Variants in MPZL1 observed in about 807,000 individuals in gnomAD.
MPZL1 encodes the protein myelin protein zero like 1, also known as myelin protein zero-like protein 1.
MPZL1 carries 16 observed loss-of-function variants against 29.3 expected under a neutral mutation model. That is an observed-to-expected ratio of 0.55 (90% CI 0.37 to 0.83). The LOEUF (loss-of-function observed/expected upper bound fraction) is 0.83, where lower values mean the gene tolerates loss of function less well. MPZL1 is among the 40% of genes least tolerant of loss of function. MPZL1 has a pLI of 0.00. For synonymous variants in MPZL1, 143 were observed against 132.0 expected, an observed-to-expected ratio of 1.08 and a Z score of -0.57; for missense variants, 279 against 332.9, an observed-to-expected ratio of 0.84 and a Z score of 1.26.
In MPZL1 at chr1:167,773,340, A is replaced by C. The variant is rs373029251; in HGVS notation, c.577A>C (p.Arg193=). Residue 193 remains arginine (R), a synonymous_variant, in exon 4 of 6, where the codon AGG becomes CGG. Transcript: ENST00000359523. ...CATGATTCTGGCTGTCCTCTATAGA[A>C]GGAAAAACTCTAAACGGGATTACAC... ...ISMILAVLYR[R]KNSKRDYTGC... is the part of the protein sequence containing the mutation. The C allele has an allele frequency of 2.0e-5, 32 of 1,613,994 alleles. No individual in the cohort carries two copies. The African/African-American group carries it at 3.9e-4, about 20-fold the overall frequency.
In MPZL1 at chr1:167,728,034, A is replaced by ATT. The variant is rs35770520; in HGVS notation, c.91+5811_91+5812dup. Among the ~76,000 whole-genome samples the ATT allele has an allele frequency of 4.2e-3, 432 of 104,064 alleles. 5 individuals carry two copies. The highest frequency in any genetic ancestry group is 0.014 in the Middle Eastern group (3 of 212). The allele number at this position is 104,064 out of a possible 152,430, so 68.3% of individuals were successfully genotyped here. ...AGGCATAAGCCACCACGCCCAACTA[A>ATT]TTTTTTTTTTTTTTTTTTTTCTGAG... On this transcript the variant is annotated intron_variant, in intron 1 of 5. Coordinates refer to ENST00000359523, the MANE Select transcript of MPZL1 (RefSeq NM_003953.6).
chr1:167,747,070 C>T (rs1660661094), intron 1 of MPZL1, among the ~76,000 whole-genome samples: 1 of 152,122 alleles, frequency 6.6e-6, no homozygotes, highest in African/African-American at 2.4e-5. Flanking sequence ...CGGAATTATA[C>T]AATAGAGGAA....
At chr1:167,737,201 G>A (rs1660395191) in intron 1 of MPZL1, among the ~76,000 whole-genome samples, 1 of 152,166 alleles carries the variant, frequency 6.6e-6, no homozygotes, top group African/African-American at 2.4e-5. Context: ...TTAACATAAT[G>A]CCTGGAACAT....
intron 1 of MPZL1, among the ~76,000 whole-genome samples, chr1:167,763,511 A>C (rs977072371): frequency 6.6e-6 from 1 of 151,784 alleles, no homozygotes; most frequent in African/African-American, 2.4e-5. Flanking sequence ...AAAAAAAAAA[A>C]AAAGAAAGAA....
At chr1:167,760,463 A>G (rs568287168) in intron 1 of MPZL1, among the ~76,000 whole-genome samples, 4 of 152,228 alleles carry the variant, frequency 2.6e-5, no homozygotes, top group Admixed American at 2.6e-4. Flanking sequence ...TTGGCCTCCC[A>G]AAGTGCTGGG....
chr1:167,734,707 A>G (rs761098972), intron 1 of MPZL1, among the ~76,000 whole-genome samples: 4 of 152,204 alleles, frequency 2.6e-5, no homozygotes, highest in Non-Finnish European at 5.9e-5. Flanking sequence ...CGTTGGGGGT[A>G]GGTCCTGAGG....
intron 1 of MPZL1, among the ~76,000 whole-genome samples, chr1:167,760,053 G>A (rs962096979): frequency 4.6e-5 from 7 of 152,158 alleles, no homozygotes; most frequent in African/African-American, 1.4e-4. Context: ...TGGACTAGTT[G>A]CTGTGAAGTG....
intron 1 of MPZL1, among the ~76,000 whole-genome samples, chr1:167,731,778 T>C (rs1571133975): frequency 6.8e-6 from 1 of 147,226 alleles, no homozygotes; most frequent in Non-Finnish European, 1.5e-5. Context: ...GATCAGAAAA[T>C]GCTAAGGAGG....
At chr1:167,745,202 T>C (rs1191762871) in intron 1 of MPZL1, among the ~76,000 whole-genome samples, 1 of 152,150 alleles carries the variant, frequency 6.6e-6, no homozygotes, top group South Asian at 2.1e-4. Context: ...GATGGCTCAC[T>C]TGGGCTTTCT....
In MPZL1 at chr1:167,739,294, TATATATATATATATACAC is replaced by T. The variant is rs1394790692; in HGVS notation, c.91+17063_91+17080del. On this transcript the variant is annotated intron_variant, in intron 1 of 5. Transcript: ENST00000359523. The stretch of plus-strand genomic sequence containing the variant: ...ATATACATATATACATATATATATA[TATATATATATATATACAC>T]ATATATATATTTATGTTTATTCTTT... Among the ~76,000 whole-genome samples the T allele has an allele frequency of 4.4e-4, 50 of 112,540 alleles. 1 individual carries two copies. Among genetic ancestry groups the T allele is most frequent in the Middle Eastern group, 3.9e-3 (1 of 256 alleles). 73.8% of individuals were successfully genotyped at this position (112,540 alleles called of 152,430 possible). A position where few individuals can be genotyped will look rare whatever the true frequency, so the allele number is the denominator to read the frequency against.
intron 1 of MPZL1, among the ~76,000 whole-genome samples, chr1:167,763,376 C>T (rs1437547518): frequency 6.6e-6 from 1 of 151,732 alleles, no homozygotes; most frequent in African/African-American, 2.4e-5. Flanking sequence ...ATTAGCTGGG[C>T]GTCGTGGTGG....
At chr1:167,759,673 C>T (rs1571155416) in intron 1 of MPZL1, among the ~76,000 whole-genome samples, 2 of 149,990 alleles carry the variant, frequency 1.3e-5, no homozygotes, top group African/African-American at 4.9e-5. Context: ...TGAAATTTCT[C>T]GCTGCAATCA....
At chr1:167,767,792 CTTT>C (rs58079089) in intron 2 of MPZL1, among the ~76,000 whole-genome samples, 6 of 58,104 alleles carry the variant, frequency 1.0e-4, no homozygotes, top group African/African-American at 2.1e-4. Flanking sequence ...CCCTTTTCTG[CTTT>C]TTTTTTTTTT....
chr1:167,777,209 A>C (rs1355795073), intron 5 of MPZL1, among the ~76,000 whole-genome samples: 2 of 152,232 alleles, frequency 1.3e-5, no homozygotes, highest in African/African-American at 2.4e-5. Flanking sequence ...TGAAGACATG[A>C]AAGTTACATA....
At chr1:167,734,784 A>G (rs1200609504) in intron 1 of MPZL1, among the ~76,000 whole-genome samples, 1 of 152,176 alleles carries the variant, frequency 6.6e-6, no homozygotes, top group Non-Finnish European at 1.5e-5. Flanking sequence ...CAGGCACAGC[A>G]GGTTTAATTG....
rs114771083 is a variant in MPZL1, at chr1:167,745,463, C to G, written c.92-20120C>G. Among the ~76,000 whole-genome samples, 504 of 152,054 alleles carry G rather than the reference C, an allele frequency of 3.3e-3. 4 individuals are homozygous for G. The highest frequency in any genetic ancestry group is 0.012 in the African/African-American group (491 of 41,500). Reference sequence around the variant, plus strand: ...ATATCCTGTGTGTCTTTTAAAAACACGGAAAATACTTAACATCTCTATTTT... The same window carrying G: ...ATATCCTGTGTGTCTTTTAAAAACAGGGAAAATACTTAACATCTCTATTTT... On this transcript the variant is annotated intron_variant, in intron 1 of 5. Coordinates refer to ENST00000359523, the MANE Select transcript of MPZL1 (RefSeq NM_003953.6).
intron 1 of MPZL1, among the ~76,000 whole-genome samples, chr1:167,749,669 G>C (rs4145461): frequency 6.6e-6 from 1 of 151,962 alleles, no homozygotes; most frequent in African/African-American, 2.4e-5. Context: ...CACAAAAAAA[G>C]AACTTCAGAA....
At chr1:167,732,122 G>A (rs1660284689) in intron 1 of MPZL1, among the ~76,000 whole-genome samples, 1 of 152,142 alleles carries the variant, frequency 6.6e-6, no homozygotes, top group African/African-American at 2.4e-5. Flanking sequence ...ATAATATATA[G>A]TATAGGTATT....
At chr1:167,732,625 G>T (rs1660294628) in intron 1 of MPZL1, among the ~76,000 whole-genome samples, 1 of 152,018 alleles carries the variant, frequency 6.6e-6, no homozygotes, top group Non-Finnish European at 1.5e-5. Context: ...GCTCTTTTTA[G>T]TTCTTTTTTT....
Sources: gnomAD v4.1 joint callset for allele counts (sites outside exome capture counted in the v4.1 genomes callset) on GRCh38, gnomAD v4.1.1 for gene constraint, MANE v1.5 for transcripts, NCBI Gene and HGNC (gene_info 2026-07-23, HGNC 2026-07-21) for gene names.